CLIC5: variants seen among roughly 807,000 people sequenced by gnomAD.
CLIC5 encodes the protein chloride intracellular channel protein 5.
A neutral mutation model predicts 24.7 loss-of-function variants in CLIC5; 20 were observed. The ratio of observed to expected loss-of-function variants is 0.81; its 90% confidence interval spans 0.57 to 1.18. The LOEUF is 1.18. Ranked by LOEUF, CLIC5 falls within the 50% of genes most tolerant of loss-of-function variation. The pLI is 0.00. For missense variants in CLIC5, 341 were observed against 326.1 expected, an observed-to-expected ratio of 1.05 and a Z score of -0.35; for synonymous variants, 159 against 135.6, an observed-to-expected ratio of 1.17 and a Z score of -1.20.
chr6:45,973,666 CA>C (rs1411591969), intron 1 of CLIC5, among the ~76,000 whole-genome samples: 2 of 152,222 alleles, frequency 1.3e-5, no homozygotes, highest in East Asian at 3.8e-4. Context: ...TGGCCGGGCA[CA>C]GTGGCCCATG....
At chr6:46,116,406 T>G in the CLIC5 span, among the ~76,000 whole-genome samples, 1 of 152,174 alleles carries the variant, frequency 6.6e-6, no homozygotes, top group East Asian at 1.9e-4. Flanking sequence ...ATTTGAGTAT[T>G]CACTCTGCTA....
the CLIC5 span, among the ~76,000 whole-genome samples, chr6:46,113,970 A>C: frequency 6.6e-6 from 1 of 152,218 alleles, no homozygotes; most frequent in African/African-American, 2.4e-5. Context: ...GGGAATCTTC[A>C]GTCCTTAGTC....
chr6:45,948,203 T>A (rs776180030), intron 3 of CLIC5, among the ~76,000 whole-genome samples: 22 of 152,224 alleles, frequency 1.4e-4, no homozygotes, highest in Non-Finnish European at 2.4e-4. Context: ...AATAAAACTT[T>A]AAAATAAATG....
intron 1 of CLIC5, among the ~76,000 whole-genome samples, chr6:45,963,417 G>T (rs758892489): frequency 1.2e-4 from 19 of 152,106 alleles, no homozygotes; most frequent in Non-Finnish European, 2.1e-4. Context: ...GGAGCATAGG[G>T]TCCCTCATTT....
chr6:46,023,933 T>A (rs1315762712), intron 1 of CLIC5, among the ~76,000 whole-genome samples: 1 of 151,874 alleles, frequency 6.6e-6, no homozygotes, highest in Non-Finnish European at 1.5e-5. Context: ...CTAGTATTAC[T>A]CTGACCTACA....
chr6:46,129,343 T>C, the CLIC5 span, among the ~76,000 whole-genome samples: 6 of 152,218 alleles, frequency 3.9e-5, no homozygotes, highest in African/African-American at 1.4e-4. Flanking sequence ...TGTTGGAAAG[T>C]TTAGTTACAT....
intron 4 of CLIC5, chr6:45,920,100 C>A: frequency 2.2e-6 from 2 of 895,436 alleles, no homozygotes; most frequent in Non-Finnish European, 2.7e-6. Context: ...GGATGGGGTT[C>A]CCCTCATGAC....
At chr6:46,066,873 G>T (rs1762457306) in intron 1 of CLIC5, among the ~76,000 whole-genome samples, 1 of 152,140 alleles carries the variant, frequency 6.6e-6, no homozygotes, top group Non-Finnish European at 1.5e-5. Flanking sequence ...TGTAGGCAGA[G>T]GTATCAGCAT....
At chr6:46,006,000 T>TTATA (rs1265097108) in intron 1 of CLIC5, among the ~76,000 whole-genome samples, 10 of 106,162 alleles carry the variant, frequency 9.4e-5, no homozygotes, top group African/African-American at 2.3e-4. Context: ...ATATATATAT[T>TTATA]TATATATATA....
At chr6:46,117,657 T>G in the CLIC5 span, among the ~76,000 whole-genome samples, 6 of 152,286 alleles carry the variant, frequency 3.9e-5, no homozygotes, top group African/African-American at 1.4e-4. Context: ...GATATAAATA[T>G]CCTTGGGGGA....
exon 7 of CLIC5, chr6:45,881,041 C>A: frequency 2.5e-6 from 1 of 397,936 alleles, no homozygotes; most frequent in Non-Finnish European, 4.4e-6. Flanking sequence ...TTTTTTTCTG[C>A]CTCAAAGCCA....
chr6:46,015,193 G>T (rs938739022), intron 1 of CLIC5, among the ~76,000 whole-genome samples: 4 of 152,212 alleles, frequency 2.6e-5, no homozygotes, highest in African/African-American at 7.2e-5. Context: ...TCGCGTCCGG[G>T]CTGGGCTCTG....
intron 4 of CLIC5, 192 bp from the exon 5 acceptor site, chr6:45,914,601 A>G: frequency 1.1e-5 from 12 of 1,108,144 alleles, no homozygotes; most frequent in Non-Finnish European, 1.4e-5. Context: ...CTGAAAAGGC[A>G]AACTCTAACC....
At chr6:46,077,127 T>C (rs576346697) in intron 1 of CLIC5, among the ~76,000 whole-genome samples, 2 of 152,282 alleles carry the variant, frequency 1.3e-5, no homozygotes, top group South Asian at 4.1e-4. Context: ...AGACTTTTTT[T>C]TTCTTCATTG....
intron 4 of CLIC5, among the ~76,000 whole-genome samples, chr6:45,939,416 T>A (rs540868332): frequency 1.2e-4 from 18 of 151,924 alleles, no homozygotes; most frequent in African/African-American, 3.4e-4. Flanking sequence ...GGTCTCAGAC[T>A]CCTGACCTCA....
At chr6:46,067,389 C>T (rs900306729) in intron 1 of CLIC5, among the ~76,000 whole-genome samples, 1 of 152,176 alleles carries the variant, frequency 6.6e-6, no homozygotes, top group Non-Finnish European at 1.5e-5. Flanking sequence ...TTGGAAGCCA[C>T]ATCCTGGCCA....
At chr6:46,066,627 T>C (rs1333731266) in intron 1 of CLIC5, among the ~76,000 whole-genome samples, 1 of 152,110 alleles carries the variant, frequency 6.6e-6, no homozygotes, top group Non-Finnish European at 1.5e-5. Context: ...GGGGGGTACA[T>C]GGTTGAATAA....
chr6:45,896,559 T>C (rs1762395205), downstream of CLIC5, among the ~76,000 whole-genome samples: 3 of 152,222 alleles, frequency 2.0e-5, no homozygotes, highest in Admixed American at 1.3e-4. Context: ...AAGGTAAAAC[T>C]TACTGGGGGC....
intron 1 of CLIC5, among the ~76,000 whole-genome samples, chr6:46,077,991 G>A (rs1044014240): frequency 1.3e-5 from 2 of 152,050 alleles, no homozygotes; most frequent in African/African-American, 2.4e-5. Context: ...TCATGGTGAT[G>A]ACCCACTTTG....
Sources: allele counts gnomAD v4.1 joint callset (sites outside exome capture counted in the v4.1 genomes callset), GRCh38; gene constraint gnomAD v4.1.1; transcripts MANE v1.5; gene names NCBI Gene and HGNC (gene_info 2026-07-23, HGNC 2026-07-21).